Variants in CYTH1 observed in about 807,000 individuals in gnomAD.
CYTH1 encodes cytohesin 1, also known as cytohesin-1.
CYTH1 carries 18 observed loss-of-function variants against 61.8 expected under a neutral mutation model. The observed-to-expected ratio is 0.29, with a 90% CI of 0.20 to 0.43. The LOEUF is 0.43. Ranked by LOEUF, CYTH1 falls within the 20% of genes least tolerant of loss-of-function variation. CYTH1 has a pLI of 1.00. For missense variants in CYTH1, 336 were observed against 510.5 expected, an observed-to-expected ratio of 0.66 and a Z score of 3.29; for synonymous variants, 174 against 184.3, an observed-to-expected ratio of 0.94 and a Z score of 0.45.
intron 11 of CYTH1, among the ~76,000 whole-genome samples, chr17:78,682,126 TAC>T (rs2092770805): frequency 6.6e-6 from 1 of 152,134 alleles, no homozygotes. Context: ...GGTAGGGCTA[TAC>T]ACAGTGTCTT....
chr17:78,727,322 C>T (rs2093271988), intron 1 of CYTH1, among the ~76,000 whole-genome samples: 1 of 152,050 alleles, frequency 6.6e-6, no homozygotes. Context: ...GTTTTTTTTA[C>T]TTTTTTCTTT....
intron 11 of CYTH1, 92 bp downstream of exon 11, chr17:78,692,325 C>G (rs2092896182): frequency 2.3e-6 from 3 of 1,322,742 alleles, no homozygotes; most frequent in Non-Finnish European, 2.2e-6. Flanking sequence ...AAGGGCAAAT[C>G]CAACGGTCTC....
chr17:78,740,958 C>T (rs139725224), intron 1 of CYTH1, among the ~76,000 whole-genome samples: 48 of 152,162 alleles, frequency 3.2e-4, no homozygotes, highest in Admixed American at 1.7e-3. Flanking sequence ...CATTACAAAA[C>T]CAGAACAATA....
intron 11 of CYTH1, among the ~76,000 whole-genome samples, chr17:78,690,223 G>A (rs2092864776): frequency 6.6e-6 from 1 of 150,642 alleles, no homozygotes; most frequent in African/African-American, 2.4e-5. Flanking sequence ...GTGAAACCCC[G>A]TCTCTACTAA....
In CYTH1 at chr17:78,697,301, A is replaced by G. The variant is rs1184457106; in HGVS notation, c.811+968T>C. ...ATCAAAGGCTAAAGCAGAAGGCAAC[A>G]GAGGAAAGTACCCTGCTAGTGTCCA... is the stretch of plus-strand genomic sequence containing the variant. On this transcript the variant is annotated intron_variant, in intron 9 of 13. Transcript: ENST00000446868. Among the ~76,000 whole-genome samples the G allele has an allele frequency of 9.0e-5, 13 of 145,198 alleles. No individual in the cohort carries two copies. The South Asian group carries it at 2.9e-3, about 32-fold the overall frequency.
intron 1 of CYTH1, among the ~76,000 whole-genome samples, chr17:78,779,431 G>T (rs1453436845): frequency 1.3e-5 from 2 of 150,816 alleles, no homozygotes; most frequent in Admixed American, 1.3e-4. Context: ...AAAGAAAGGG[G>T]AAGAATAAAC....
chr17:78,759,513 G>C (rs2093414035), intron 1 of CYTH1, among the ~76,000 whole-genome samples: 1 of 152,148 alleles, frequency 6.6e-6, no homozygotes, highest in Non-Finnish European at 1.5e-5. Context: ...ACCACACAAA[G>C]ACACATGGGG....
chr17:78,777,361 T>C (rs558654443), intron 1 of CYTH1, among the ~76,000 whole-genome samples: 2 of 151,974 alleles, frequency 1.3e-5, no homozygotes, highest in African/African-American at 2.4e-5. Context: ...GAGCTGGCAG[T>C]GAGCCGAGAT....
intron 1 of CYTH1, among the ~76,000 whole-genome samples, chr17:78,767,028 G>C (rs1031298758): frequency 6.6e-6 from 1 of 152,196 alleles, no homozygotes; most frequent in Non-Finnish European, 1.5e-5. Flanking sequence ...GGTTCAATGA[G>C]AACTTACGAA....
intron 9 of CYTH1, among the ~76,000 whole-genome samples, chr17:78,696,394 G>GA (rs1462983151): frequency 2.6e-5 from 4 of 152,196 alleles, no homozygotes; most frequent in African/African-American, 9.7e-5. Context: ...TTCTTGAGAT[G>GA]GCTGTCACTT....
rs890738952 is a variant in CYTH1 at position 78,676,110 on chromosome 17, G to A, written c.1178C>T (p.Ser393Phe). 1.2e-6 allele frequency: 2 copies of A among 1,610,504 alleles called. No homozygotes were observed. The highest frequency in any genetic ancestry group is 1.3e-5 in the African/African-American group (1 of 74,908). ...GCACGCTCAGTGTCGCTTCGTGGAG[G>A]AGACCTTCTTTTTCCGTGCTGCGAG... The part of the protein sequence containing the change: ...EMLAARKKKV[S>F]STKRH The change falls in exon 14 of 14, where the codon TCC becomes TTC. Residue 393 changes from serine (S) to phenylalanine (F), a missense_variant. By Grantham distance (155) the Ser-to-Phe change is radical. Transcript: ENST00000446868.
At chr17:78,720,086 G>A (rs548871163) in intron 1 of CYTH1, among the ~76,000 whole-genome samples, 2 of 152,254 alleles carry the variant, frequency 1.3e-5, no homozygotes, top group Non-Finnish European at 2.9e-5. Flanking sequence ...ATGTTGCCAG[G>A]GGCTGGGGAG....
chr17:78,696,645 T>C (rs1039579538), intron 9 of CYTH1: 1 of 152,294 alleles, frequency 6.6e-6, no homozygotes, highest in Non-Finnish European at 1.5e-5. Context: ...GAAAAAGTAA[T>C]GCAATGAGCT....
chr17:78,775,828 C>G (rs912258120), intron 1 of CYTH1, among the ~76,000 whole-genome samples: 2 of 152,182 alleles, frequency 1.3e-5, no homozygotes, highest in Admixed American at 1.3e-4. Flanking sequence ...ATGATAGACT[C>G]CAGCAACTTT....
intron 1 of CYTH1, among the ~76,000 whole-genome samples, chr17:78,739,944 T>TC (rs1318047867): frequency 6.8e-6 from 1 of 146,236 alleles, no homozygotes; most frequent in African/African-American, 2.6e-5. Flanking sequence ...ATCTTTTCTT[T>TC]TTTTTTTCTG....
intron 1 of CYTH1, among the ~76,000 whole-genome samples, chr17:78,714,845 C>T (rs1407188932): frequency 1.3e-5 from 2 of 150,022 alleles, no homozygotes; most frequent in Non-Finnish European, 3.0e-5. Flanking sequence ...CTAGAGCAAA[C>T]AGAGATAATT....
intron 1 of CYTH1, among the ~76,000 whole-genome samples, chr17:78,734,172 C>G (rs2093308919): frequency 6.6e-6 from 1 of 151,770 alleles, no homozygotes; most frequent in Non-Finnish European, 1.5e-5. Context: ...ATCGCTTGAA[C>G]CCAGGAGGCA....
At position 78,760,157 on chromosome 17, in the gene CYTH1, A is replaced by G. The variant is rs1383030487; in HGVS notation, c.22+22045T>C. Among the ~76,000 whole-genome samples the G allele has an allele frequency of 2.6e-5, 4 of 151,648 alleles. No homozygotes were observed. The Admixed American group carries it at 2.6e-4, about 10-fold the overall frequency. On this transcript the variant is annotated intron_variant, in intron 1 of 13. Transcript: ENST00000446868. ...ACTAGATTACGAACTTTAAAAGGGAAGGCTAAACAAACCACTTCTGCATGT... is the reference window on the plus strand; with the variant it reads ...ACTAGATTACGAACTTTAAAAGGGAGGGCTAAACAAACCACTTCTGCATGT...
At chr17:78,740,333 A>G (rs910798165) in intron 1 of CYTH1, among the ~76,000 whole-genome samples, 4 of 152,086 alleles carry the variant, frequency 2.6e-5, no homozygotes, top group African/African-American at 9.7e-5. Flanking sequence ...CCACCCACCC[A>G]TGGCCTCACA....
Sources: allele counts gnomAD v4.1 joint callset (sites outside exome capture counted in the v4.1 genomes callset), GRCh38; gene constraint gnomAD v4.1.1; transcripts MANE v1.5; gene names NCBI Gene and HGNC (gene_info 2026-07-23, HGNC 2026-07-21).